ALS2: variants seen among roughly 807,000 people sequenced by gnomAD.
ALS2 encodes the protein alsin.
A neutral mutation model predicts 203.4 loss-of-function variants in ALS2; 117 were observed. The observed-to-expected ratio is 0.58, with a 90% CI of 0.50 to 0.67. The LOEUF is 0.67. ALS2 is among the 30% of genes least tolerant of loss of function. The pLI, the probability that ALS2 is intolerant of heterozygous loss-of-function variation, is 0.00. For synonymous variants in ALS2, 718 were observed against 725.9 expected (o/e 0.99, Z 0.17); for missense variants, 1,715 against 1,989.4 (o/e 0.86, Z 2.62).
intron 24 of ALS2, among the ~76,000 whole-genome samples, chr2:201,717,590 A>G (rs1156568038): frequency 6.6e-6 from 1 of 151,734 alleles, no homozygotes; most frequent in Non-Finnish European, 1.5e-5. Context: ...AGATTTAGTC[A>G]TCTAAAGCAG....
chr2:201,714,495 A>C (rs889686108), intron 25 of ALS2, among the ~76,000 whole-genome samples: 1 of 152,146 alleles, frequency 6.6e-6, no homozygotes, highest in African/African-American at 2.4e-5. Flanking sequence ...TCCAGACTCT[A>C]CCTGTGTCTT....
chr2:201,729,603 G>A (rs1691417837), intron 13 of ALS2, among the ~76,000 whole-genome samples: 2 of 152,018 alleles, frequency 1.3e-5, no homozygotes, highest in South Asian at 4.1e-4. Flanking sequence ...TTTAATGGTA[G>A]GGCGCGGTGG....
At chr2:201,708,133 A>G in intron 27 of ALS2, 142 bp from the exon 28 acceptor site, 1 of 714,782 alleles carries the variant, frequency 1.4e-6, no homozygotes, top group Admixed American at 2.4e-5. Context: ...GATGTTTCTA[A>G]CAGGATAAAA....
intron 7 of ALS2, among the ~76,000 whole-genome samples, chr2:201,752,580 G>A (rs140804605): frequency 2.7e-4 from 41 of 151,824 alleles, no homozygotes; most frequent in African/African-American, 9.4e-4. Flanking sequence ...TCCTTTATTG[G>A]CTTCTTAAAA....
intron 5 of ALS2, among the ~76,000 whole-genome samples, chr2:201,755,406 G>T (rs1156800148): frequency 2.0e-5 from 3 of 152,106 alleles, no homozygotes; most frequent in Non-Finnish European, 4.4e-5. Flanking sequence ...AGGATTACAG[G>T]CATGCACCAC....
intron 10 of ALS2, 60 bp from the exon 11 acceptor site, chr2:201,741,914 ATG>A: frequency 8.4e-6 from 12 of 1,422,540 alleles, no homozygotes; most frequent in African/African-American, 1.4e-5. Context: ...CTTTATTATG[ATG>A]TGATTATGAT....
At chr2:201,761,926 C>CT (rs980047572) in intron 3 of ALS2, 108 bp from the exon 4 acceptor site, 88 of 1,251,726 alleles carry the variant, frequency 7.0e-5, no homozygotes, top group Admixed American at 4.3e-4. Context: ...ATTGGATTTT[C>CT]TTTTTAAATT....
At chr2:201,744,209 G>A (rs775449632) in intron 10 of ALS2, 49 bp downstream of exon 10, 1 of 1,561,316 alleles carries the variant, frequency 6.4e-7, no homozygotes, top group Non-Finnish European at 8.8e-7. Context: ...AGGAAGAAGA[G>A]ATAAAGACCT....
intron 28 of ALS2, among the ~76,000 whole-genome samples, 160 bp from the exon 29 acceptor site, chr2:201,707,182 G>A (rs145632314): frequency 1.3e-5 from 2 of 152,294 alleles, no homozygotes; most frequent in African/African-American, 2.4e-5. Context: ...GTTGATATGA[G>A]GACATTATCT....
intron 23 of ALS2, chr2:201,722,768 A>C (rs999496731): frequency 7.2e-6 from 3 of 414,428 alleles, no homozygotes; most frequent in African/African-American, 6.1e-5. Flanking sequence ...CAAAAAAGGC[A>C]AATCTATAGA....
chr2:201,772,850 ATTTT>A (rs578253808), intron 1 of ALS2, among the ~76,000 whole-genome samples: 300 of 108,822 alleles, frequency 2.8e-3, no homozygotes, highest in African/African-American at 6.2e-3. Flanking sequence ...TGCTTTCATG[ATTTT>A]TTTTTTTTTT....
chr2:201,702,415 C>A (rs1689449107), intron 33 of ALS2, among the ~76,000 whole-genome samples: 1 of 152,048 alleles, frequency 6.6e-6, no homozygotes, highest in Non-Finnish European at 1.5e-5. Flanking sequence ...ATTTTCCATT[C>A]TTTAGTTTCT....
In ALS2 at chr2:201,777,060, C is replaced by G. The variant is rs140577388; in HGVS notation, c.-61+3817G>C. 6.9e-3 allele frequency among the ~76,000 whole-genome samples: 1,055 copies of G among 152,224 alleles called. 4 individuals carry two copies. Among genetic ancestry groups the G allele is most frequent in the Non-Finnish European group, 0.012 (786 of 67,996 alleles). On this transcript the variant is annotated intron_variant, in intron 1 of 33. Transcript: ENST00000264276. ...ATAACTACGTTGTAATAAAATGTAA[C>G]CAAGTTAAGCTTTTCAAAGTGTTAA...
chr2:201,754,731 C>A, intron 5 of ALS2, 60 bp from the exon 6 acceptor site: 1 of 1,571,512 alleles, frequency 6.4e-7, no homozygotes, highest in Non-Finnish European at 8.7e-7. Context: ...GAAAACATAT[C>A]ATTTGGACAA....
At chr2:201,703,095 G>A (rs1266007150) in intron 33 of ALS2, among the ~76,000 whole-genome samples, 3 of 152,124 alleles carry the variant, frequency 2.0e-5, no homozygotes, top group Non-Finnish European at 4.4e-5. Context: ...CAGCCTGGGC[G>A]ACAGAGTGAG....
At position 201,724,412 on chromosome 2, in the gene ALS2, C is replaced by T. The variant is rs753713733; in HGVS notation, c.3395G>A (p.Arg1132His). The T allele has an allele frequency of 8.7e-6, 14 of 1,613,944 alleles. No homozygotes were observed. The highest frequency in any genetic ancestry group is 6.7e-5 in the Admixed American group (4 of 60,024). Residue 1132 changes from arginine to histidine, a missense_variant, in exon 21 of 34, where the codon CGT (arginine) becomes CAT (histidine). Around this residue, in one of 3 missense-constraint regions of ALS2, gnomAD observed 1,227 missense variants for 1,413.5 expected, o/e 0.87. Transcript: ENST00000264276. ...VFEGCFQDNM[R>H]HGHGLLRSGK... ...ACTTCGTAGAAGACCATGACCATGA[C>T]GCATATTATCTTGAAAACAGCCCTC...
At chr2:201,770,086 AGT>A (rs1694308166) in intron 1 of ALS2, among the ~76,000 whole-genome samples, 1 of 152,242 alleles carries the variant, frequency 6.6e-6, no homozygotes, top group Admixed American at 6.5e-5. Context: ...TGTCCATGAT[AGT>A]AATTAGCCTT....
chr2:201,767,600 C>T (rs550191292), intron 2 of ALS2, among the ~76,000 whole-genome samples: 26 of 151,988 alleles, frequency 1.7e-4, no homozygotes, highest in African/African-American at 6.3e-4. Flanking sequence ...TGGTGGCTCA[C>T]ACCTGTAATC....
At chr2:201,728,938 G>T in intron 14 of ALS2, 114 bp downstream of exon 14, 1 of 1,503,188 alleles carries the variant, frequency 6.7e-7, no homozygotes, top group Non-Finnish European at 9.3e-7. Context: ...TTTAGGAAAG[G>T]GGTCATTAAA....
Sources: allele counts gnomAD v4.1 joint callset (sites outside exome capture counted in the v4.1 genomes callset), GRCh38; gene constraint gnomAD v4.1.1; regional missense constraint gnomAD v4.1.1; transcripts MANE v1.5; gene names NCBI Gene and HGNC (gene_info 2026-07-23, HGNC 2026-07-21).